GTF2E1: variants seen among roughly 807,000 people sequenced by gnomAD.
GTF2E1 encodes TFIIE alpha subunit.
A neutral mutation model predicts 34.9 loss-of-function variants in GTF2E1; 14 were observed. That is an observed-to-expected ratio of 0.40 (90% CI 0.27 to 0.63). The LOEUF is 0.63. Ranked by LOEUF, GTF2E1 falls within the 20% of genes least tolerant of loss-of-function variation. GTF2E1 has a pLI of 0.39. For synonymous variants in GTF2E1, 188 were observed against 192.9 expected, an observed-to-expected ratio of 0.97 and a Z score of 0.21; for missense variants, 469 against 557.7, an observed-to-expected ratio of 0.84 and a Z score of 1.60.
At chr3:120,743,381 C>T (rs1245698202) in intron 1 of GTF2E1, among the ~76,000 whole-genome samples, 1 of 152,206 alleles carries the variant, frequency 6.6e-6, no homozygotes, top group African/African-American at 2.4e-5. Context: ...GCCCAGTAGC[C>T]TGTCCGATTC....
At chr3:120,767,000 A>G (rs1709315225) in intron 2 of GTF2E1, among the ~76,000 whole-genome samples, 1 of 152,142 alleles carries the variant, frequency 6.6e-6, no homozygotes, top group African/African-American at 2.4e-5. Flanking sequence ...AAAATGTCAA[A>G]TTTCTTACTT....
intron 4 of GTF2E1, among the ~76,000 whole-genome samples, chr3:120,780,122 T>C (rs2107614498): frequency 6.6e-6 from 1 of 152,346 alleles, no homozygotes; most frequent in South Asian, 2.1e-4. Context: ...CTCACATTTA[T>C]TCACTCATTT....
Position 120,766,638 on chromosome 3 carries a change from CT to C in GTF2E1, c.449-4089del, listed in dbSNP as rs1482347240. On this transcript the variant is annotated intron_variant, in intron 2 of 4. Coordinates refer to ENST00000283875, the MANE Select transcript of GTF2E1 (RefSeq NM_005513.3). Reference sequence around the variant, plus strand: ...ACTGTCTCTCAAAAAGGTTTACCTTCTCAATAAGCTTTTCCTAGTGTCCTCA... The same window carrying C: ...ACTGTCTCTCAAAAAGGTTTACCTTCCAATAAGCTTTTCCTAGTGTCCTCA... Among the ~76,000 whole-genome samples, 7 of 152,214 alleles carry C rather than the reference CT, an allele frequency of 4.6e-5. No individual in the cohort carries two copies. In the East Asian group the frequency reaches 1.4e-3, roughly 29 times the overall value.
At chr3:120,779,802 A>G (rs535522543) in intron 4 of GTF2E1, among the ~76,000 whole-genome samples, 1 of 152,320 alleles carries the variant, frequency 6.6e-6, no homozygotes, top group East Asian at 1.9e-4. Context: ...ACTTGAGAAA[A>G]TTGAAGCGGA....
intron 1 of GTF2E1, among the ~76,000 whole-genome samples, chr3:120,747,895 A>G (rs1709122091): frequency 6.6e-6 from 1 of 152,192 alleles, no homozygotes; most frequent in Admixed American, 6.5e-5. Context: ...ATTTCTCCAC[A>G]TCCTCTCCAG....
At position 120,781,436 on chromosome 3, in the gene GTF2E1, T is replaced by C; in HGVS notation, c.1286T>C (p.Met429Thr). 1 of 1,614,012 alleles carries C rather than the reference T, an allele frequency of 6.2e-7. No homozygotes were observed. Among genetic ancestry groups the C allele is most frequent in the Non-Finnish European group, 8.5e-7 (1 of 1,179,898 alleles). ...TPEEKEAYIA[M>T]GQRMFEDLFE ...GAAGAAAAGGAAGCATATATAGCAA[T>C]GGGACAACGCATGTTTGAGGACCTC... The change falls in exon 5 of 5, where the codon ATG (methionine) becomes ACG (threonine). Residue 429 changes from methionine (M) to threonine (T), a missense_variant. Physicochemically the swap from Met to Thr is moderately conservative, Grantham distance 81. Transcript: ENST00000283875.
At chr3:120,743,858 A>G (rs891850322) in intron 1 of GTF2E1, among the ~76,000 whole-genome samples, 1 of 152,114 alleles carries the variant, frequency 6.6e-6, no homozygotes, top group Non-Finnish European at 1.5e-5. Flanking sequence ...CTTCTTTTCA[A>G]CTTTGTTTCT....
chr3:120,745,361 GGGTGTTTTA>G (rs1486531779), intron 1 of GTF2E1, among the ~76,000 whole-genome samples: 2 of 152,142 alleles, frequency 1.3e-5, no homozygotes, highest in Non-Finnish European at 2.9e-5. Flanking sequence ...CAGCTCCCTA[GGGTGTTTTA>G]GGCAAAGGAA....
At chr3:120,763,324 G>C (rs1225464533) in intron 2 of GTF2E1, among the ~76,000 whole-genome samples, 5 of 152,100 alleles carry the variant, frequency 3.3e-5, no homozygotes, top group African/African-American at 9.7e-5. Flanking sequence ...TTCCAGAATG[G>C]AGGAATGATG....
intron 2 of GTF2E1, among the ~76,000 whole-genome samples, chr3:120,766,687 T>A (rs535979057): frequency 6.6e-6 from 1 of 152,138 alleles, no homozygotes; most frequent in Non-Finnish European, 1.5e-5. Flanking sequence ...ATTCCTTCTT[T>A]GAACTCCAAA....
chr3:120,769,208 A>G (rs1709332416), intron 2 of GTF2E1, among the ~76,000 whole-genome samples: 1 of 152,136 alleles, frequency 6.6e-6, no homozygotes, highest in African/African-American at 2.4e-5. Context: ...AAAAAAAAAA[A>G]AAAGCTAGTT....
At chr3:120,751,392 G>T (rs559256147) in intron 2 of GTF2E1, among the ~76,000 whole-genome samples, 1 of 152,284 alleles carries the variant, frequency 6.6e-6, no homozygotes, top group Admixed American at 6.5e-5. Context: ...GGTATCAGGA[G>T]TATATAACTA....
At position 120,781,033 on chromosome 3, in the gene GTF2E1, T is replaced by A; in HGVS notation, c.893-10T>A. ...TTAAGGATATTGACTTTCTGAGTTTTACTCCCCAGGGGGCATAGATATGGA... is the reference window on the plus strand; with the variant it reads ...TTAAGGATATTGACTTTCTGAGTTTAACTCCCCAGGGGGCATAGATATGGA... On this transcript the variant is annotated splice_polypyrimidine_tract_variant and intron_variant, in intron 4 of 4. Transcript: ENST00000283875. 1 of 1,575,116 alleles carries A rather than the reference T, an allele frequency of 6.3e-7. No individual in the cohort carries two copies. The highest frequency in any genetic ancestry group is 8.6e-7 in the Non-Finnish European group (1 of 1,156,724).
At chr3:120,751,965 T>A (rs566820744) in intron 2 of GTF2E1, among the ~76,000 whole-genome samples, 1 of 152,282 alleles carries the variant, frequency 6.6e-6, no homozygotes, top group Admixed American at 6.5e-5. Context: ...TTTCTGTGTA[T>A]GTTTTATTTT....
chr3:120,770,753 TACAGAGG>T lies in GTF2E1; in HGVS notation c.475_481del (p.Thr159Ter), dbSNP rs775282825. On this transcript the variant is annotated frameshift_variant, in exon 3 of 5. Coordinates refer to ENST00000283875, the MANE Select transcript of GTF2E1 (RefSeq NM_005513.3). LOFTEE classifies it high-confidence loss of function. ...GAACTTTCCGCTGTACTTTTTGCCATACAGAGGTAGAAGAGGATGAATCAGCAATGCC... is the reference window on the plus strand; with the variant it reads ...GAACTTTCCGCTGTACTTTTTGCCATTAGAAGAGGATGAATCAGCAATGCC... 2 of 1,613,530 alleles carry T rather than the reference TACAGAGG, an allele frequency of 1.2e-6. No individual in the cohort carries two copies. The highest frequency in any genetic ancestry group is 1.7e-6 in the Non-Finnish European group (2 of 1,179,532).
Position 120,750,507 on chromosome 3 carries a change from T to G in GTF2E1, c.-30-16T>G, listed in dbSNP as rs1196470320. 1 of 1,492,162 alleles carries G rather than the reference T, an allele frequency of 6.7e-7. No individual in the cohort carries two copies. The highest frequency in any genetic ancestry group is 1.9e-5 in the Admixed American group (1 of 53,392). The allele number at this position is 1,492,162 out of a possible 1,614,324, so 92.4% of individuals were successfully genotyped here. On this transcript the variant is annotated splice_polypyrimidine_tract_variant and intron_variant, in intron 1 of 4. Transcript: ENST00000283875. ...TTCTTATACCTGGCTAATTTTCTGT[T>G]TTTTTTTGAATTCAGTATATTTAAA... is the stretch of plus-strand genomic sequence containing the variant.
chr3:120,769,602 T>A (rs1362291493), intron 2 of GTF2E1, among the ~76,000 whole-genome samples: 2 of 152,178 alleles, frequency 1.3e-5, no homozygotes, highest in Non-Finnish European at 2.9e-5. Flanking sequence ...GAAGCAGCAG[T>A]CACTTGTGCA....
Position 120,742,757 on chromosome 3 carries a change from G to T in GTF2E1, c.-68G>T. Reference sequence around the variant, plus strand: ...ATTTAAGCCGGTAGTTGAAGCGCTGGGGGCAGCTGTAGTGGGAGTGTTCCA... The same window carrying T: ...ATTTAAGCCGGTAGTTGAAGCGCTGTGGGCAGCTGTAGTGGGAGTGTTCCA... On this transcript the variant is annotated 5_prime_UTR_variant, in exon 1 of 5. Transcript: ENST00000283875. The T allele has an allele frequency of 1.6e-5, 9 of 553,054 alleles. No homozygotes were observed. The highest frequency in any genetic ancestry group is 2.9e-5 in the Non-Finnish European group (9 of 307,276). 34.3% of individuals were successfully genotyped at this position (553,054 alleles called of 1,614,324 possible). A position where few individuals can be genotyped will look rare whatever the true frequency, so the allele number is the denominator to read the frequency against.
At chr3:120,758,537 C>T (rs897030755) in intron 2 of GTF2E1, among the ~76,000 whole-genome samples, 6 of 151,962 alleles carry the variant, frequency 3.9e-5, no homozygotes, top group South Asian at 2.1e-4. Flanking sequence ...CCGTCATTTA[C>T]GTTAGGTATT....
Sources: gnomAD v4.1 joint callset for allele counts (sites outside exome capture counted in the v4.1 genomes callset) on GRCh38, gnomAD v4.1.1 for gene constraint, MANE v1.5 for transcripts, NCBI Gene and HGNC (gene_info 2026-07-23, HGNC 2026-07-21) for gene names.